The following EFCAB6 variants were observed in gnomAD, a reference collection of about 807,000 sequenced individuals.
The protein encoded by EFCAB6 is EF-hand calcium binding domain 6, also known as EF-hand calcium-binding domain-containing protein 6.
Under a neutral mutation model 169.8 loss-of-function variants are expected in EFCAB6, and 156 were observed. The ratio of observed to expected loss-of-function variants is 0.92; its 90% CI spans 0.81 to 1.05. The LOEUF is 1.05. EFCAB6 is among the 50% of genes least tolerant of loss of function. EFCAB6 has a pLI of 0.00. For synonymous variants in EFCAB6, 698 were observed against 676.4 expected (o/e 1.03, Z -0.50); for missense variants, 1,800 against 1,829.1 (o/e 0.98, Z 0.29).
chr22:43,585,297 A>T (rs1042975552), intron 24 of EFCAB6, among the ~76,000 whole-genome samples: 12 of 149,174 alleles, frequency 8.0e-5, no homozygotes, highest in African/African-American at 1.2e-4. Context: ...GCCAGAAATT[A>T]AAAAAAAAAG....
At chr22:43,796,962 T>C (rs2062531939) in intron 2 of EFCAB6, among the ~76,000 whole-genome samples, 1 of 152,222 alleles carries the variant, frequency 6.6e-6, no homozygotes, top group Non-Finnish European at 1.5e-5. Context: ...CCATTCATGC[T>C]GAGCACCAAA....
chr22:43,638,257 C>A (rs16990861), intron 17 of EFCAB6, among the ~76,000 whole-genome samples: 5,221 of 152,262 alleles, frequency 0.034, 331 homozygotes, highest in African/African-American at 0.12. Context: ...AGGCGACATA[C>A]AATAAGAAGG....
rs761489519 is a variant in EFCAB6, at chr22:43,735,871, G to A, written c.630C>T (p.Asp210=). The change falls in exon 7 of 32, where the codon GAC becomes GAT. Residue 210 remains aspartate (D), a synonymous_variant. Transcript: ENST00000262726. The part of the protein sequence containing the change: ...VLETFCMKLR[D]EEYEKFSKHY... The stretch of plus-strand genomic sequence containing the variant: ...CATTTGCTTACTTTTCGTATTCCTC[G>A]TCTCTTAACTTCATACAGAAGGTCT... 41 of 1,613,134 alleles carry A rather than the reference G, an allele frequency of 2.5e-5. No individual in the cohort carries two copies. The highest frequency in any genetic ancestry group is 4.5e-5 in the East Asian group (2 of 44,876).
intron 21 of EFCAB6, among the ~76,000 whole-genome samples, chr22:43,610,796 G>C (rs2053247426): frequency 6.6e-6 from 1 of 152,044 alleles, no homozygotes; most frequent in South Asian, 2.1e-4. Context: ...AAAACACGTA[G>C]CAGGTCTGGC....
At chr22:43,650,284 T>C (rs958896744) in intron 17 of EFCAB6, among the ~76,000 whole-genome samples, 2 of 152,138 alleles carry the variant, frequency 1.3e-5, no homozygotes, top group Non-Finnish European at 2.9e-5. Flanking sequence ...AGGAAGTCTT[T>C]CCCGTGCTGT....
At chr22:43,541,201 T>A (rs9614190) in intron 27 of EFCAB6, among the ~76,000 whole-genome samples, 32,298 of 152,122 alleles carry the variant, frequency 0.21, 3,711 homozygotes, top group African/African-American at 0.26. Flanking sequence ...CCTGGAAGCC[T>A]GGGCTCTGCC....
chr22:43,719,186 G>A (rs531439296), intron 8 of EFCAB6, among the ~76,000 whole-genome samples: 3 of 152,130 alleles, frequency 2.0e-5, no homozygotes, highest in East Asian at 3.9e-4. Context: ...GACAGCACTC[G>A]GTACGGTGTA....
chr22:43,719,520 G>A (rs1396204695), intron 8 of EFCAB6, among the ~76,000 whole-genome samples: 1 of 152,202 alleles, frequency 6.6e-6, no homozygotes, highest in Non-Finnish European at 1.5e-5. Flanking sequence ...TCCACATTTA[G>A]AGAAGTCAGA....
At chr22:43,778,277 G>A (rs2061702353) in intron 3 of EFCAB6, among the ~76,000 whole-genome samples, 1 of 152,186 alleles carries the variant, frequency 6.6e-6, no homozygotes. Context: ...TCACCCTCTT[G>A]GGCCTTCCCC....
At chr22:43,810,496 A>G (rs1475651891) in intron 1 of EFCAB6, among the ~76,000 whole-genome samples, 1 of 152,242 alleles carries the variant, frequency 6.6e-6, no homozygotes, top group Non-Finnish European at 1.5e-5. Context: ...AGTTGTTAAC[A>G]ACTGCCTTGT....
At chr22:43,660,336 C>G (rs375814295) in intron 17 of EFCAB6, among the ~76,000 whole-genome samples, 9 of 152,204 alleles carry the variant, frequency 5.9e-5, no homozygotes, top group Admixed American at 6.5e-5. Context: ...TCCCCATTCC[C>G]CATGTGCCTG....
Position 43,540,377 on chromosome 22 carries a change from C to A in EFCAB6, c.3649-20G>T. On this transcript the variant is annotated intron_variant, in intron 27 of 31. Coordinates refer to ENST00000262726, the MANE Select transcript of EFCAB6 (RefSeq NM_022785.4). Reference sequence around the variant, plus strand: ...GTCAAACTGGAGAAGGAGCAGAAGTCATTTCCCAGGTGTCAGTGCAAACAC... The same window carrying A: ...GTCAAACTGGAGAAGGAGCAGAAGTAATTTCCCAGGTGTCAGTGCAAACAC... The A allele has an allele frequency of 1.2e-6, 2 of 1,613,470 alleles. No homozygotes were observed. The highest frequency in any genetic ancestry group is 1.7e-6 in the Non-Finnish European group (2 of 1,180,004).
chr22:43,793,914 T>C (rs1484171011), intron 2 of EFCAB6, among the ~76,000 whole-genome samples: 1 of 152,232 alleles, frequency 6.6e-6, no homozygotes, highest in Non-Finnish European at 1.5e-5. Context: ...ATGCATTTAT[T>C]TTCCATTTTT....
chr22:43,731,612 G>T, intron 8 of EFCAB6, 87 bp downstream of exon 8: 1 of 701,550 alleles, frequency 1.4e-6, no homozygotes, highest in Non-Finnish European at 2.2e-6. Flanking sequence ...ATATTTGAAA[G>T]TATTTCCTCA....
chr22:43,729,690 G>A (rs1049971678), intron 8 of EFCAB6, among the ~76,000 whole-genome samples: 2 of 152,100 alleles, frequency 1.3e-5, no homozygotes, highest in Non-Finnish European at 2.9e-5. Flanking sequence ...CGTGAACTCA[G>A]TAAAAGGAGA....
chr22:43,789,670 C>T (rs1169758488), intron 2 of EFCAB6, among the ~76,000 whole-genome samples: 1 of 152,098 alleles, frequency 6.6e-6, no homozygotes, highest in East Asian at 1.9e-4. Context: ...GTAGATACTG[C>T]CAGTCTGTGG....
At chr22:43,549,964 T>C (rs1433916057) in intron 27 of EFCAB6, among the ~76,000 whole-genome samples, 1 of 152,212 alleles carries the variant, frequency 6.6e-6, no homozygotes, top group African/African-American at 2.4e-5. Context: ...TCAACATCTA[T>C]TCATGGTAAA....
chr22:43,541,013 T>C (rs1340812924), intron 27 of EFCAB6, among the ~76,000 whole-genome samples: 1 of 152,142 alleles, frequency 6.6e-6, no homozygotes, highest in Non-Finnish European at 1.5e-5. Flanking sequence ...TGAGCCACTT[T>C]TGGTAACTGG....
At chr22:43,578,835 A>G (rs1348142349) in intron 25 of EFCAB6, among the ~76,000 whole-genome samples, 2 of 124,758 alleles carry the variant, frequency 1.6e-5, no homozygotes, top group Non-Finnish European at 3.8e-5. Flanking sequence ...CGCAGGCATC[A>G]TTCCGTACAT....
Sources: allele counts gnomAD v4.1 joint callset (sites outside exome capture counted in the v4.1 genomes callset), GRCh38; gene constraint gnomAD v4.1.1; transcripts MANE v1.5; gene names NCBI Gene and HGNC (gene_info 2026-07-23, HGNC 2026-07-21).